The following IL1RAPL2 variants were observed in gnomAD, a reference collection of about 807,000 sequenced individuals.
IL1RAPL2 encodes interleukin 1 receptor accessory protein like 2.
Under a neutral mutation model 44.1 loss-of-function variants are expected in IL1RAPL2, and 3 were observed. The observed-to-expected ratio is 0.07, with a 90% CI of 0.03 to 0.18. The LOEUF is 0.18. Ranked by LOEUF, IL1RAPL2 falls within the 10% of genes least tolerant of loss-of-function variation. The pLI is 1.00. For missense variants in IL1RAPL2, 391 were observed against 496.4 expected (o/e 0.79, Z 2.02); for synonymous variants, 181 against 178.8 (o/e 1.01, Z -0.10).
rs2036102311 is a variant in IL1RAPL2 at position 105,462,829 on chromosome X, C to A, written c.698-21484C>A. On this transcript the variant is annotated intron_variant, in intron 5 of 10. Coordinates refer to ENST00000372582, the MANE Select transcript of IL1RAPL2 (RefSeq NM_017416.2). ...AAATTAGAGGTTAAATTCTTCTTCC[C>A]CAGCACACATGGTCTTTTGCCCAAC... Among the ~76,000 whole-genome samples the A allele has an allele frequency of 3.6e-5, 4 of 110,671 alleles. No homozygotes were observed. In the Admixed American group the frequency reaches 3.9e-4, roughly 11 times the overall value.
chrX:105,610,571 T>G (rs1458392909), intron 6 of IL1RAPL2, among the ~76,000 whole-genome samples: 1 of 111,761 alleles, frequency 8.9e-6, no homozygotes, highest in Non-Finnish European at 1.9e-5. Flanking sequence ...TAACAATGAT[T>G]CAATCAGTGA....
At chrX:104,879,609 C>A (rs1923009116) in intron 2 of IL1RAPL2, among the ~76,000 whole-genome samples, 1 of 111,563 alleles carries the variant, frequency 9.0e-6, no homozygotes, top group African/African-American at 3.3e-5. Flanking sequence ...GTATATACAA[C>A]ATTAAATTCT....
In IL1RAPL2 at chrX:105,058,955, A is replaced by T. The variant is rs189841397; in HGVS notation, c.83-136520A>T. On this transcript the variant is annotated intron_variant, in intron 2 of 10. Transcript: ENST00000372582. ...GGGTTGGGGCAGTGACACCTCTTGCAGTCAAAAATCCATGTATAACTTAAA... is the reference window on the plus strand; with the variant it reads ...GGGTTGGGGCAGTGACACCTCTTGCTGTCAAAAATCCATGTATAACTTAAA... Among the ~76,000 whole-genome samples, 3 of 111,679 alleles carry T rather than the reference A, an allele frequency of 2.7e-5. No individual in the cohort carries two copies. In the East Asian group the frequency reaches 8.5e-4, roughly 32 times the overall value.
intron 6 of IL1RAPL2, among the ~76,000 whole-genome samples, chrX:105,652,282 A>C (rs1841824295): frequency 9.0e-6 from 1 of 111,582 alleles, no homozygotes; most frequent in Admixed American, 9.5e-5. Context: ...CAAAATTCTT[A>C]ATTCATCAAC....
chrX:105,502,259 T>C (rs745795545), intron 6 of IL1RAPL2, among the ~76,000 whole-genome samples: 6 of 112,037 alleles, frequency 5.4e-5, no homozygotes, highest in African/African-American at 1.9e-4. Flanking sequence ...CTTCAAATAT[T>C]TGAATAAACT....
chrX:105,433,055 G>C (rs2035858684), intron 5 of IL1RAPL2, among the ~76,000 whole-genome samples: 1 of 110,915 alleles, frequency 9.0e-6, no homozygotes, highest in African/African-American at 3.3e-5. Flanking sequence ...TTGCTCATTG[G>C]TATAGAAGAT....
chrX:104,677,795 G>T (rs761523207), intron 2 of IL1RAPL2, among the ~76,000 whole-genome samples: 3 of 112,148 alleles, frequency 2.7e-5, no homozygotes, highest in South Asian at 3.8e-4. Flanking sequence ...ATTTAATCTC[G>T]TGGTGCGCCG....
At chrX:105,711,386 G>A (rs928783386) in intron 6 of IL1RAPL2, among the ~76,000 whole-genome samples, 5 of 110,703 alleles carry the variant, frequency 4.5e-5, no homozygotes, top group Non-Finnish European at 7.6e-5. Context: ...CCTTTTACTA[G>A]GAGTCCACTC....
At position 105,210,335 on chromosome X, in the gene IL1RAPL2, A is replaced by G. The variant is rs1217495241; in HGVS notation, c.356+14587A>G. On this transcript the variant is annotated intron_variant, in intron 3 of 10. Coordinates refer to ENST00000372582, the MANE Select transcript of IL1RAPL2 (RefSeq NM_017416.2). ...GAATATAAAGAAGTAAAGGCCCTCT[A>G]TCTCATGCCCCCTACTCTACCTCAC... is the stretch of plus-strand genomic sequence containing the variant. Among the ~76,000 whole-genome samples the G allele has an allele frequency of 9.0e-5, 10 of 111,482 alleles. No homozygotes were observed. The Admixed American group carries it at 9.6e-4, about 11-fold the overall frequency.
At chrX:105,637,771 G>A (rs1425208619) in intron 6 of IL1RAPL2, among the ~76,000 whole-genome samples, 10 of 106,827 alleles carry the variant, frequency 9.4e-5, no homozygotes, top group Admixed American at 4.0e-4. Context: ...TCAACCAAGC[G>A]CTATTTCTCC....
intron 2 of IL1RAPL2, among the ~76,000 whole-genome samples, chrX:104,694,632 A>G (rs1389578226): frequency 9.0e-6 from 1 of 111,349 alleles, no homozygotes; most frequent in African/African-American, 3.3e-5. Flanking sequence ...AAAAATAGAG[A>G]CAGTTCTTTG....
intron 6 of IL1RAPL2, among the ~76,000 whole-genome samples, chrX:105,570,408 G>A (rs185033174): frequency 1.9e-3 from 211 of 112,026 alleles, no homozygotes; most frequent in Non-Finnish European, 3.3e-3. Flanking sequence ...CTATAAATAC[G>A]TATGTGTATG....
At chrX:105,580,085 C>T (rs1014937342) in intron 6 of IL1RAPL2, among the ~76,000 whole-genome samples, 1 of 111,698 alleles carries the variant, frequency 9.0e-6, no homozygotes, top group Non-Finnish European at 1.9e-5. Context: ...CTTTACACTC[C>T]ACACTCAGTA....
At chrX:105,187,760 A>G (rs782657453) in intron 2 of IL1RAPL2, among the ~76,000 whole-genome samples, 12 of 111,807 alleles carry the variant, frequency 1.1e-4, no homozygotes, top group Non-Finnish European at 1.7e-4. Context: ...GTTAAAGGGT[A>G]CAAAGTTTCA....
chrX:105,656,750 T>G (rs183602754), intron 6 of IL1RAPL2, among the ~76,000 whole-genome samples: 1 of 111,808 alleles, frequency 8.9e-6, no homozygotes, highest in East Asian at 2.8e-4. Context: ...TTTCACAGGG[T>G]GTACAGTTGA....
chrX:105,748,236 G>A, intron 8 of IL1RAPL2, among the ~76,000 whole-genome samples: 1 of 112,240 alleles, frequency 8.9e-6, no homozygotes, highest in East Asian at 2.8e-4. Flanking sequence ...AATGCTCAGA[G>A]TTCTAGGGAT....
chrX:105,670,369 C>T (rs1424413990), intron 6 of IL1RAPL2, among the ~76,000 whole-genome samples: 1 of 102,635 alleles, frequency 9.7e-6, no homozygotes, highest in Non-Finnish European at 2.0e-5. Context: ...GGCACGATCT[C>T]GGCTCACTGC....
intron 6 of IL1RAPL2, among the ~76,000 whole-genome samples, chrX:105,613,058 T>C (rs376194187): frequency 1.8e-5 from 2 of 111,591 alleles, no homozygotes; most frequent in East Asian, 5.7e-4. Context: ...AACCCCAGGC[T>C]GAACAGCTTG....
intron 2 of IL1RAPL2, among the ~76,000 whole-genome samples, chrX:104,995,323 C>T (rs780332359): frequency 9.0e-6 from 1 of 111,550 alleles, no homozygotes; most frequent in South Asian, 3.8e-4. Context: ...TAAAAAAGTG[C>T]CTGGCACATA....
Sources: gnomAD v4.1 joint callset for allele counts (sites outside exome capture counted in the v4.1 genomes callset) on GRCh38, gnomAD v4.1.1 for gene constraint, MANE v1.5 for transcripts, NCBI Gene and HGNC (gene_info 2026-07-23, HGNC 2026-07-21) for gene names.